Variants in NRG1 observed in about 807,000 individuals in gnomAD.
NRG1 encodes pro-neuregulin-1, membrane-bound isoform.
In NRG1, 18 loss-of-function variants were observed where a neutral mutation model predicts 63.8. The observed-to-expected ratio is 0.28, with a 90% CI of 0.19 to 0.42. The LOEUF (loss-of-function observed/expected upper bound fraction) is 0.42, where lower values mean the gene tolerates loss of function less well. NRG1 is among the 10% of genes least tolerant of loss of function. The pLI is 1.00. For synonymous variants in NRG1, 302 were observed against 301.3 expected (o/e 1.00, Z -0.02); for missense variants, 762 against 814.7 (o/e 0.94, Z 0.79).
rs561944784 is a variant in NRG1 at position 32,012,652 on chromosome 8, G to T, written c.37+373221G>T. On this transcript the variant is annotated intron_variant, in intron 1 of 10. Transcript: ENST00000519301. ...TAGCTAATTGAACATGGGAGAAAAC[G>T]TAGCTTCCTTCTAAGGCTCAGCTTC... Among the ~76,000 whole-genome samples the T allele has an allele frequency of 3.5e-4, 53 of 152,172 alleles. 1 individual carries two copies. In the South Asian group the frequency reaches 0.011, roughly 31 times the overall value.
intron 1 of NRG1, among the ~76,000 whole-genome samples, chr8:32,275,918 A>G (rs909557096): frequency 3.3e-5 from 5 of 152,204 alleles, no homozygotes; most frequent in East Asian, 1.9e-4. Context: ...TTGAATTGGT[A>G]TGCAACAACT....
chr8:31,947,293 T>A (rs1345926906), intron 1 of NRG1, among the ~76,000 whole-genome samples: 1 of 136,412 alleles, frequency 7.3e-6, no homozygotes, highest in Non-Finnish European at 1.5e-5. Context: ...GGCGACAGAG[T>A]GAGACTCCGT....
chr8:32,664,790 T>G (rs1803730804), intron 5 of NRG1, among the ~76,000 whole-genome samples: 1 of 152,154 alleles, frequency 6.6e-6, no homozygotes, highest in South Asian at 2.1e-4. Context: ...CCATGCACAT[T>G]AGTAATTTAG....
chr8:32,267,663 T>C (rs546576245), intron 1 of NRG1, among the ~76,000 whole-genome samples: 1 of 152,196 alleles, frequency 6.6e-6, no homozygotes, highest in Non-Finnish European at 1.5e-5. Context: ...ATCAGGTACA[T>C]GTGTTGTGAT....
chr8:32,342,579 C>T (rs1422596989), intron 1 of NRG1, among the ~76,000 whole-genome samples: 2 of 152,096 alleles, frequency 1.3e-5, no homozygotes, highest in African/African-American at 2.4e-5. Flanking sequence ...TTCTTAATGC[C>T]AATGCTGTAT....
chr8:31,992,553 G>A (rs539273237), intron 1 of NRG1, among the ~76,000 whole-genome samples: 1 of 152,090 alleles, frequency 6.6e-6, no homozygotes, highest in Non-Finnish European at 1.5e-5. Flanking sequence ...TTTTCCATAA[G>A]CAATACAAAG....
At chr8:32,531,705 G>A (rs1174987472) in intron 1 of NRG1, among the ~76,000 whole-genome samples, 6 of 152,010 alleles carry the variant, frequency 3.9e-5, no homozygotes, top group Non-Finnish European at 8.8e-5. Context: ...AACTTGTTAA[G>A]GTAAAGAATT....
intron 6 of NRG1, among the ~76,000 whole-genome samples, chr8:32,733,098 T>C (rs909452308): frequency 5.3e-5 from 8 of 152,280 alleles, no homozygotes; most frequent in African/African-American, 1.9e-4. Flanking sequence ...TGAGCCACCA[T>C]GCCTGGCCCA....
At chr8:32,257,747 A>T (rs2078331346) in intron 1 of NRG1, among the ~76,000 whole-genome samples, 1 of 152,202 alleles carries the variant, frequency 6.6e-6, no homozygotes, top group South Asian at 2.1e-4. Context: ...AGGGCGACCC[A>T]CTTCCTAAAA....
chr8:32,360,257 C>G (rs771713832), intron 1 of NRG1, among the ~76,000 whole-genome samples: 1 of 152,096 alleles, frequency 6.6e-6, no homozygotes, highest in African/African-American at 2.4e-5. Flanking sequence ...AATTCAAAGA[C>G]GTTTTCTGAA....
At chr8:32,456,295 C>T (rs2129488420) in intron 1 of NRG1, among the ~76,000 whole-genome samples, 1 of 152,306 alleles carries the variant, frequency 6.6e-6, no homozygotes, top group South Asian at 2.1e-4. Context: ...GACTTATGGT[C>T]TTGATAATTA....
chr8:31,790,181 A>T (rs760805561), intron 1 of NRG1, among the ~76,000 whole-genome samples: 1 of 152,220 alleles, frequency 6.6e-6, no homozygotes, highest in Non-Finnish European at 1.5e-5. Context: ...ATAAGAAAGG[A>T]TGGGTAAAAT....
chr8:31,958,044 C>CAGATAGATAGATAGATAGATAGAT (rs59793665), intron 1 of NRG1, among the ~76,000 whole-genome samples: 198 of 145,954 alleles, frequency 1.4e-3, no homozygotes, highest in East Asian at 1.9e-3. Flanking sequence ...CAGTAGAGAC[C>CAGATAGATAGATAGATAGATAGAT]AGATAGATAG....
intron 1 of NRG1, among the ~76,000 whole-genome samples, chr8:32,393,762 A>T (rs900431279): frequency 1.2e-4 from 19 of 152,328 alleles, no homozygotes; most frequent in African/African-American, 4.1e-4. Flanking sequence ...GGAGAGGATC[A>T]GAAAAAATAA....
chr8:32,316,169 A>G (rs999900767), intron 1 of NRG1, among the ~76,000 whole-genome samples: 1 of 152,204 alleles, frequency 6.6e-6, no homozygotes, highest in Admixed American at 6.5e-5. Flanking sequence ...GAAGGAATCT[A>G]CACTTAGGGC....
chr8:32,517,988 C>T (rs1029342630), intron 1 of NRG1, among the ~76,000 whole-genome samples: 2 of 151,998 alleles, frequency 1.3e-5, no homozygotes, highest in African/African-American at 4.8e-5. Context: ...AAATGGGGCT[C>T]AGAGCAGGGG....
intron 1 of NRG1, among the ~76,000 whole-genome samples, chr8:32,503,388 C>G (rs1482463145): frequency 1.3e-5 from 2 of 150,354 alleles, no homozygotes; most frequent in Admixed American, 1.3e-4. Context: ...AATTATCTAC[C>G]TATTTCATGA....
At chr8:32,108,600 G>A (rs76667828) in intron 1 of NRG1, among the ~76,000 whole-genome samples, 5,029 of 152,004 alleles carry the variant, frequency 0.033, 134 homozygotes, top group South Asian at 0.075. Context: ...CTAATCAGTT[G>A]ACCTTAAAAT....
rs1803589680 is a variant in NRG1, at chr8:31,640,090, C to T, written c.37+659C>T. On this transcript the variant is annotated intron_variant, in intron 1 of 10. Coordinates refer to the NRG1 transcript ENST00000519301. The surrounding 1 kb of genome is among the most constrained non-coding windows in gnomAD (Gnocchi z 6.3). ...GCCGCCGCTGCCGCTGCTGCCACTA[C>T]TGCTGCTGCTGGGGACCGCGGCCCT... The T allele has an allele frequency of 1.8e-6, 2 of 1,137,204 alleles. No individual in the cohort carries two copies. The highest frequency in any genetic ancestry group is 4.4e-5 in the East Asian group (1 of 22,662). 70.4% of individuals were successfully genotyped at this position (1,137,204 alleles called of 1,614,324 possible).
Sources: allele counts gnomAD v4.1 joint callset (sites outside exome capture counted in the v4.1 genomes callset), GRCh38; gene constraint gnomAD v4.1.1; non-coding constraint Gnocchi (gnomAD v3.1); transcripts MANE v1.5; gene names NCBI Gene and HGNC (gene_info 2026-07-23, HGNC 2026-07-21).